HELZ: variants seen among roughly 807,000 people sequenced by gnomAD.
The protein encoded by HELZ is helicase with zinc finger.
A neutral mutation model predicts 218.2 loss-of-function variants in HELZ; 23 were observed. The ratio of observed to expected loss-of-function variants is 0.11; its 90% CI spans 0.08 to 0.15. HELZ has a LOEUF of 0.15. Ranked by LOEUF, HELZ falls within the 10% of genes least tolerant of loss-of-function variation. HELZ has a pLI of 1.00. For missense variants in HELZ, 1,813 were observed against 2,353.7 expected (o/e 0.77, Z 4.75); for synonymous variants, 814 against 829.4 (o/e 0.98, Z 0.32).
At chr17:67,199,935 AGTG>A (rs2040126693) in intron 7 of HELZ, among the ~76,000 whole-genome samples, 9 of 152,284 alleles carry the variant, frequency 5.9e-5, no homozygotes, top group Non-Finnish European at 1.3e-4. Context: ...CACCAAATCC[AGTG>A]ATTTTTCCAG....
intron 1 of HELZ, chr17:67,244,543 G>A (rs543115159): frequency 3.3e-6 from 3 of 916,574 alleles, no homozygotes; most frequent in South Asian, 1.0e-4. Context: ...TATTTTTGTT[G>A]ATGTGCTTGT....
chr17:67,114,384 A>G lies in HELZ; in HGVS notation c.3858T>C (p.Asn1286=). The G allele has an allele frequency of 1.2e-6, 2 of 1,608,172 alleles. No individual in the cohort carries two copies. The highest frequency in any genetic ancestry group is 2.2e-5 in the South Asian group (2 of 90,958). The part of the protein sequence containing the change: ...QNRNGKSDTN[N]SGPEINKIRT... ...GAATCTTATTAATTTCAGGTCCGGA[A>G]TTATTTGTATCACTTTTACCTAAGA... The change falls in exon 28 of 33, where the codon AAT becomes AAC. Residue 1286 remains asparagine (N), a synonymous_variant. Coordinates refer to ENST00000358691, the MANE Select transcript of HELZ (RefSeq NM_014877.4).
chr17:67,229,982 T>C (rs2040992882), intron 3 of HELZ, among the ~76,000 whole-genome samples: 1 of 152,260 alleles, frequency 6.6e-6, no homozygotes, highest in Non-Finnish European at 1.5e-5. Context: ...TCTTAAATTT[T>C]AGAATAAGTG....
chr17:67,238,484 C>T (rs892870694), intron 3 of HELZ, among the ~76,000 whole-genome samples: 1 of 151,970 alleles, frequency 6.6e-6, no homozygotes, highest in Non-Finnish European at 1.5e-5. Context: ...GGGTTTGAGG[C>T]CAGCCTGGCC....
intron 31 of HELZ, among the ~76,000 whole-genome samples, chr17:67,092,890 G>A (rs966078274): frequency 1.8e-5 from 2 of 112,234 alleles, no homozygotes; most frequent in African/African-American, 2.7e-5. Context: ...GCTTGAAACC[G>A]GCGGGGGGGG....
At chr17:67,122,582 C>T (rs2037647421) in intron 26 of HELZ, among the ~76,000 whole-genome samples, 1 of 151,910 alleles carries the variant, frequency 6.6e-6, no homozygotes, top group Non-Finnish European at 1.5e-5. Flanking sequence ...GTGGTGCATG[C>T]CTGTAATCCC....
chr17:67,091,375 C>T (rs1334064463), intron 31 of HELZ, among the ~76,000 whole-genome samples: 2 of 151,988 alleles, frequency 1.3e-5, no homozygotes, highest in East Asian at 1.9e-4. Flanking sequence ...TTATCCTTCC[C>T]TTTCTACATA....
intron 9 of HELZ, among the ~76,000 whole-genome samples, chr17:67,192,358 G>A (rs910938948): frequency 2.0e-5 from 3 of 152,114 alleles, no homozygotes; most frequent in African/African-American, 7.2e-5. Flanking sequence ...TTTTCAAATG[G>A]TTCACCGTAT....
intron 6 of HELZ, among the ~76,000 whole-genome samples, chr17:67,202,302 C>G (rs2040188952): frequency 6.6e-6 from 1 of 152,076 alleles, no homozygotes; most frequent in African/African-American, 2.4e-5. Flanking sequence ...CAAAAAGTAG[C>G]CTTTCAATTA....
At chr17:67,140,211 T>C (rs1347346350) in intron 21 of HELZ, among the ~76,000 whole-genome samples, 1 of 152,102 alleles carries the variant, frequency 6.6e-6, no homozygotes, top group Non-Finnish European at 1.5e-5. Context: ...CACACAAACA[T>C]ACAGCATACA....
intron 1 of HELZ, chr17:67,244,669 C>A: frequency 1.0e-6 from 1 of 978,998 alleles, no homozygotes; most frequent in Non-Finnish European, 1.2e-6. Flanking sequence ...CTTTTCCCCA[C>A]GCCCCCGCTC....
chr17:67,157,441 G>C (rs115411429), intron 17 of HELZ, among the ~76,000 whole-genome samples: 7 of 152,154 alleles, frequency 4.6e-5, no homozygotes, highest in Non-Finnish European at 7.3e-5. Context: ...TAATATTCTA[G>C]TCCCAACTTT....
At chr17:67,124,927 G>A (rs530065471) in intron 24 of HELZ, among the ~76,000 whole-genome samples, 66 of 151,982 alleles carry the variant, frequency 4.3e-4, no homozygotes, top group African/African-American at 1.3e-3. Flanking sequence ...CAAGCCAATT[G>A]AGGAAAAGTA....
chr17:67,229,302 CT>C (rs2040975435), intron 3 of HELZ, among the ~76,000 whole-genome samples: 1 of 152,216 alleles, frequency 6.6e-6, no homozygotes, highest in Non-Finnish European at 1.5e-5. Context: ...CTCTGAGACT[CT>C]GATAACATTG....
At chr17:67,154,876 A>C (rs2038793268) in intron 17 of HELZ, among the ~76,000 whole-genome samples, 1 of 152,190 alleles carries the variant, frequency 6.6e-6, no homozygotes, top group African/African-American at 2.4e-5. Flanking sequence ...ACATCTCTGG[A>C]TGCATCAAAG....
chr17:67,138,899 A>G (rs1178107019), intron 21 of HELZ, among the ~76,000 whole-genome samples: 1 of 152,148 alleles, frequency 6.6e-6, no homozygotes, highest in African/African-American at 2.4e-5. Context: ...AAAGTTAATA[A>G]AACATGTTCC....
chr17:67,228,707 CATTATTATTATT>C (rs375631612), intron 3 of HELZ, among the ~76,000 whole-genome samples: 1 of 147,442 alleles, frequency 6.8e-6, no homozygotes, highest in Non-Finnish European at 1.5e-5. Flanking sequence ...CAAATTGATA[CATTATTATTATT>C]ATTATTATTA....
chr17:67,101,222 G>C (rs2036919340), intron 31 of HELZ, among the ~76,000 whole-genome samples: 1 of 151,928 alleles, frequency 6.6e-6, no homozygotes, highest in Non-Finnish European at 1.5e-5. Context: ...CTCAATTTAA[G>C]CTACAAGTTT....
chr17:67,229,756 C>T (rs1195039465), intron 3 of HELZ, among the ~76,000 whole-genome samples: 2 of 152,104 alleles, frequency 1.3e-5, no homozygotes, highest in African/African-American at 4.8e-5. Flanking sequence ...CTATATAGTC[C>T]TATAGTATAC....
Sources: allele counts gnomAD v4.1 joint callset (sites outside exome capture counted in the v4.1 genomes callset), GRCh38; gene constraint gnomAD v4.1.1; transcripts MANE v1.5; gene names NCBI Gene and HGNC (gene_info 2026-07-23, HGNC 2026-07-21).